SORCS2: variants seen among roughly 807,000 people sequenced by gnomAD.
SORCS2 encodes the protein VPS10 domain-containing receptor SorCS2.
A neutral mutation model predicts 141.6 loss-of-function variants in SORCS2; 100 were observed. That is an observed-to-expected ratio of 0.71 (90% CI 0.60 to 0.83). SORCS2 has a LOEUF of 0.83. SORCS2 is among the 40% of genes least tolerant of loss of function. The probability of loss-of-function intolerance (pLI) is 0.00; values close to 1 mark genes in which losing one functional copy is unlikely to be tolerated. For synonymous variants in SORCS2, 789 were observed against 676.9 expected, an observed-to-expected ratio of 1.17 and a Z score of -2.57; for missense variants, 1,646 against 1,560.2, an observed-to-expected ratio of 1.05 and a Z score of -0.93.
At chr4:7,489,687 A>G (rs1289369156) in intron 2 of SORCS2, among the ~76,000 whole-genome samples, 2 of 152,194 alleles carry the variant, frequency 1.3e-5, no homozygotes, top group Admixed American at 6.5e-5. Flanking sequence ...TTTGTGAATC[A>G]AAATAATCGC....
At chr4:7,453,032 TG>T (rs1300207726) in intron 2 of SORCS2, among the ~76,000 whole-genome samples, 1 of 107,554 alleles carries the variant, frequency 9.3e-6, no homozygotes, top group East Asian at 2.7e-4. Context: ...GGCTCCATGT[TG>T]GGGTCAGGTG....
intron 2 of SORCS2, among the ~76,000 whole-genome samples, chr4:7,428,180 G>A (rs138858173): frequency 6.6e-4 from 101 of 152,322 alleles, no homozygotes; most frequent in African/African-American, 2.3e-3. Context: ...CTGGAACTGA[G>A]CACAACGGAT....
chr4:7,680,311 C>G (rs941445580), intron 9 of SORCS2, among the ~76,000 whole-genome samples: 1 of 152,256 alleles, frequency 6.6e-6, no homozygotes, highest in African/African-American at 2.4e-5. Flanking sequence ...GCCCCACCCT[C>G]TCCCAGCCGC....
intron 1 of SORCS2, among the ~76,000 whole-genome samples, chr4:7,385,675 G>A (rs11735546): frequency 0.51 from 78,279 of 152,020 alleles, 21,237 homozygotes; most frequent in Non-Finnish European, 0.61. Context: ...TGAGAGGTGG[G>A]CAGCTTGAGC....
At chr4:7,422,543 A>G (rs1726148504) in intron 2 of SORCS2, among the ~76,000 whole-genome samples, 1 of 152,076 alleles carries the variant, frequency 6.6e-6, no homozygotes, top group Non-Finnish European at 1.5e-5. Context: ...CTGGGGGCAG[A>G]GGTGGGGTGG....
chr4:7,734,178 C>A (rs1199832420), intron 24 of SORCS2, 94 bp from the exon 25 acceptor site: 34 of 599,728 alleles, frequency 5.7e-5, no homozygotes, highest in Non-Finnish European at 8.0e-5. Context: ...GGGGGACAGG[C>A]TGGGGACGGG....
At chr4:7,262,235 C>T (rs1714385348) in intron 1 of SORCS2, among the ~76,000 whole-genome samples, 2 of 144,116 alleles carry the variant, frequency 1.4e-5, no homozygotes, top group South Asian at 4.4e-4. Context: ...CCAACACATC[C>T]ATCGATTCAT....
intron 26 of SORCS2, 137 bp downstream of exon 26, chr4:7,737,309 G>C: frequency 3.2e-6 from 4 of 1,267,276 alleles, no homozygotes; most frequent in Non-Finnish European, 4.3e-6. Context: ...CCTTGCCAGC[G>C]GGTCGGTCGG....
chr4:7,495,792 T>C (rs1731579113), intron 2 of SORCS2, among the ~76,000 whole-genome samples: 2 of 152,154 alleles, frequency 1.3e-5, no homozygotes, highest in Admixed American at 6.5e-5. Flanking sequence ...AGCCCCCTGA[T>C]TGAGTCTGAG....
chr4:7,623,868 G>A (rs1719360918), intron 3 of SORCS2, among the ~76,000 whole-genome samples: 1 of 152,148 alleles, frequency 6.6e-6, no homozygotes, highest in Non-Finnish European at 1.5e-5. Flanking sequence ...CAGGTTCAAT[G>A]GAGGCTGAAA....
At chr4:7,241,174 C>G (rs1712670365) in intron 1 of SORCS2, among the ~76,000 whole-genome samples, 1 of 152,102 alleles carries the variant, frequency 6.6e-6, no homozygotes, top group Non-Finnish European at 1.5e-5. Context: ...CTTGACCTCA[C>G]ATGATCTGCC....
chr4:7,303,058 G>A (rs1265032441), intron 1 of SORCS2, among the ~76,000 whole-genome samples: 1 of 152,148 alleles, frequency 6.6e-6, no homozygotes, highest in East Asian at 1.9e-4. Context: ...TGCGGCCAGT[G>A]CTCTGGGCCA....
At chr4:7,677,465 C>A (rs1010639644) in intron 9 of SORCS2, among the ~76,000 whole-genome samples, 1 of 152,250 alleles carries the variant, frequency 6.6e-6, no homozygotes, top group African/African-American at 2.4e-5. Flanking sequence ...AAACCAGGAC[C>A]GGCCCAGGCC....
chr4:7,303,716 G>C (rs1490788140), intron 1 of SORCS2, among the ~76,000 whole-genome samples: 1 of 152,264 alleles, frequency 6.6e-6, no homozygotes, highest in African/African-American at 2.4e-5. Context: ...GTCTCAAACA[G>C]TGGGTGCTCA....
intron 23 of SORCS2, among the ~76,000 whole-genome samples, chr4:7,731,048 G>T (rs991744032): frequency 5.9e-5 from 9 of 152,176 alleles, no homozygotes; most frequent in Non-Finnish European, 1.2e-4. Flanking sequence ...GAGAAGTGAG[G>T]CTTGGCGAGG....
chr4:7,488,667 C>T (rs544594650), intron 2 of SORCS2, among the ~76,000 whole-genome samples: 23 of 152,326 alleles, frequency 1.5e-4, no homozygotes, highest in Non-Finnish European at 1.5e-4. Context: ...ATGGGGGATC[C>T]ATGAGGTGGA....
At chr4:7,438,515 C>A (rs4536926) in intron 2 of SORCS2, among the ~76,000 whole-genome samples, 126,187 of 152,028 alleles carry the variant, frequency 0.83, 52,430 homozygotes, top group South Asian at 0.96. Context: ...CATTTATTTG[C>A]GCACCTGCCC....
intron 8 of SORCS2, among the ~76,000 whole-genome samples, chr4:7,670,418 G>A (rs1722728551): frequency 3.3e-5 from 5 of 152,126 alleles, no homozygotes; most frequent in African/African-American, 2.4e-5. Context: ...TTATATAAAA[G>A]CATTCACAAG....
intron 10 of SORCS2, among the ~76,000 whole-genome samples, chr4:7,687,864 G>T (rs1351998806): frequency 6.6e-6 from 1 of 152,108 alleles, no homozygotes; most frequent in Non-Finnish European, 1.5e-5. Context: ...CCGATCCTTA[G>T]CTGTCACCTC....
Sources: gnomAD v4.1 joint callset for allele counts (sites outside exome capture counted in the v4.1 genomes callset) on GRCh38, gnomAD v4.1.1 for gene constraint, MANE v1.5 for transcripts, NCBI Gene and HGNC (gene_info 2026-07-23, HGNC 2026-07-21) for gene names.